Variants in AK9 observed in about 807,000 individuals in gnomAD.
AK9 encodes the protein adenylate kinase domain containing 1.
AK9 carries 191 observed loss-of-function variants against 239.6 expected under a neutral mutation model. The ratio of observed to expected loss-of-function variants is 0.80; its 90% CI spans 0.71 to 0.90. AK9 has a LOEUF of 0.90. Among genes scored for constraint, AK9 ranks in the 40% least tolerant of loss-of-function variants. AK9 has a pLI of 0.00. For synonymous variants in AK9, 689 were observed against 721.0 expected, an observed-to-expected ratio of 0.96 and a Z score of 0.71; for missense variants, 1,995 against 2,214.7, an observed-to-expected ratio of 0.90 and a Z score of 1.99.
intron 12 of AK9, among the ~76,000 whole-genome samples, chr6:109,621,913 C>CCAGAGAAAAAAAAAAAAAAAAAAAAA (rs1794882209): frequency 1.4e-5 from 1 of 70,298 alleles, no homozygotes; most frequent in Non-Finnish European, 2.7e-5. Flanking sequence ...AAAAAAAAAA[C>CCAGAGAAAAAAAAAAAAAAAAAAAAA]AAAAAAAAAA....
chr6:109,588,423 C>T (rs943675084), intron 17 of AK9, among the ~76,000 whole-genome samples: 7 of 152,132 alleles, frequency 4.6e-5, no homozygotes, highest in African/African-American at 1.7e-4. Flanking sequence ...ATGTCCTTGG[C>T]CCACTTTTTA....
Position 109,612,032 on chromosome 6 carries a change from A to G in AK9, c.1671T>C (p.Asp557=), listed in dbSNP as rs1383447580. 10 of 1,535,088 alleles carry G rather than the reference A, an allele frequency of 6.5e-6. No homozygotes were observed. Among genetic ancestry groups the G allele is most frequent in the Admixed American group, 2.1e-5 (1 of 48,216 alleles). Residue 557 remains aspartate (D), a synonymous_variant, in exon 16 of 41, where the codon GAT becomes GAC. Coordinates refer to ENST00000424296, the MANE Select transcript of AK9 (RefSeq NM_001145128.3). ...TACCTGTATCTGAATACAACTTTAC[A>G]TCTTGACTAGCATCTTGAGAATGCC... ...FKRHSQDASQ[D]VKLYSDTAPT... is the part of the protein sequence containing the mutation.
chr6:109,578,082 C>T (rs895121010), intron 20 of AK9, among the ~76,000 whole-genome samples: 25 of 152,056 alleles, frequency 1.6e-4, no homozygotes, highest in African/African-American at 6.0e-4. Context: ...CAGGCGTGCA[C>T]CACCACGCCT....
At chr6:109,525,197 G>A (rs1206601843) in intron 29 of AK9, among the ~76,000 whole-genome samples, 1 of 152,142 alleles carries the variant, frequency 6.6e-6, no homozygotes, top group African/African-American at 2.4e-5. Flanking sequence ...TTATTTCTGA[G>A]TTCCATTGCT....
chr6:109,555,009 C>G (rs1784822421), intron 24 of AK9, among the ~76,000 whole-genome samples: 1 of 152,084 alleles, frequency 6.6e-6, no homozygotes, highest in South Asian at 2.1e-4. Context: ...GTCCCTATCT[C>G]CTTCAATTCT....
chr6:109,501,056 G>A (rs762440016), intron 35 of AK9, among the ~76,000 whole-genome samples: 1 of 152,098 alleles, frequency 6.6e-6, no homozygotes, highest in African/African-American at 2.4e-5. Context: ...CCCTCACAGT[G>A]TCTGGAGAAG....
At chr6:109,670,960 ATATG>A (rs1208827372) in intron 5 of AK9, among the ~76,000 whole-genome samples, 4 of 151,960 alleles carry the variant, frequency 2.6e-5, no homozygotes, top group Admixed American at 2.0e-4. Context: ...TAATCTCTAT[ATATG>A]TATTATATAT....
At chr6:109,671,843 A>C in intron 5 of AK9, 76 bp downstream of exon 5, 1 of 1,341,906 alleles carries the variant, frequency 7.5e-7, no homozygotes, top group East Asian at 2.3e-5. Context: ...GCAACTCCAG[A>C]AACTATTTTT....
rs375441074 is a variant in AK9, at chr6:109,516,491, C to T, written c.3785G>A (p.Arg1262His). 35 of 1,551,624 alleles carry T rather than the reference C, an allele frequency of 2.3e-5. No homozygotes were observed. The highest frequency in any genetic ancestry group is 1.8e-4 in the Admixed American group (9 of 50,974). The change falls in exon 30 of 41, where the codon CGC becomes CAC. Residue 1262 changes from arginine to histidine, a missense_variant. By Grantham distance (29) the Arg-to-His change is conservative. Around this residue, in one of 5 missense-constraint regions of AK9, gnomAD observed 1,290 missense variants for 1,392.7 expected, o/e 0.93. Coordinates refer to ENST00000424296, the MANE Select transcript of AK9 (RefSeq NM_001145128.3). ...DEEQETDAIERLRGELGEKFE... is the reference protein window; with the variant it reads ...DEEQETDAIEHLRGELGEKFE... ...TTTTTCTCCTAGTTCACCTCTCAGG[C>T]GCTCAATTGCATCAGTTTCCTGTTC...
chr6:109,618,134 C>T (rs902865690), intron 13 of AK9, among the ~76,000 whole-genome samples: 1 of 152,122 alleles, frequency 6.6e-6, no homozygotes, highest in African/African-American at 2.4e-5. Context: ...GAGTGCACTG[C>T]CATAGCTTCT....
intron 17 of AK9, among the ~76,000 whole-genome samples, chr6:109,590,938 T>G (rs1336724449): frequency 6.6e-6 from 1 of 152,124 alleles, no homozygotes; most frequent in African/African-American, 2.4e-5. Context: ...CTTGTGGCCT[T>G]GCATATGGTC....
intron 17 of AK9, among the ~76,000 whole-genome samples, chr6:109,593,793 G>A (rs1324228607): frequency 6.6e-6 from 1 of 152,060 alleles, no homozygotes; most frequent in African/African-American, 2.4e-5. Flanking sequence ...ATGCAGAAAA[G>A]GCCTTCAACA....
rs150270108 is a variant in AK9 at position 109,497,510 on chromosome 6, C to T, written c.5270G>A (p.Arg1757His). The T allele has an allele frequency of 7.1e-5, 114 of 1,609,198 alleles. No individual in the cohort carries two copies. The highest frequency in any genetic ancestry group is 7.7e-5 in the South Asian group (7 of 90,884). ...TTCTTTGTTCTCACAAATATATATACGATTATGATATTCTAAAGCATAGTT... is the reference window on the plus strand; with the variant it reads ...TTCTTTGTTCTCACAAATATATATATGATTATGATATTCTAAAGCATAGTT... The part of the protein sequence containing the change: ...SINYALEYHN[R>H]IYICENKEKL... Residue 1757 changes from arginine to histidine, a missense_variant, in exon 38 of 41, where the codon CGT becomes CAT. Around this residue, in one of 5 missense-constraint regions of AK9, gnomAD observed 391 missense variants for 456.0 expected, o/e 0.86. Transcript: ENST00000424296.
At chr6:109,540,309 C>A (rs1213028289) in intron 27 of AK9, among the ~76,000 whole-genome samples, 1 of 152,158 alleles carries the variant, frequency 6.6e-6, no homozygotes, top group Non-Finnish European at 1.5e-5. Flanking sequence ...ATGGTGGGTG[C>A]CCCTCCCCCA....
intron 26 of AK9, among the ~76,000 whole-genome samples, chr6:109,544,681 G>A (rs181765556): frequency 4.5e-4 from 68 of 152,262 alleles, no homozygotes; most frequent in Non-Finnish European, 9.0e-4. Flanking sequence ...GAAGAATTGC[G>A]AGCCAGTTAA....
chr6:109,493,979 A>G lies in AK9; in HGVS notation c.5533+2T>C. 1 of 1,580,394 alleles carries G rather than the reference A, an allele frequency of 6.3e-7. No homozygotes were observed. The highest frequency in any genetic ancestry group is 2.2e-5 in the East Asian group (1 of 44,474). On this transcript the variant is annotated splice_donor_variant, in intron 40 of 40. Transcript: ENST00000424296. LOFTEE classifies it high-confidence loss of function. ...AGTAGTAAATAATTAAAAAAGACAT[A>G]CCTTTGAGATGAAGTGCTATATATA...
chr6:109,579,077 A>G (rs1235734043), intron 20 of AK9, among the ~76,000 whole-genome samples: 2 of 101,322 alleles, frequency 2.0e-5, no homozygotes, highest in East Asian at 1.1e-3. Context: ...GTCCACTGAA[A>G]AACTCCAATC....
chr6:109,679,453 G>C (rs1233143728), intron 1 of AK9, among the ~76,000 whole-genome samples: 2 of 152,162 alleles, frequency 1.3e-5, no homozygotes, highest in African/African-American at 4.8e-5. Flanking sequence ...AGCAGCCCCA[G>C]TCAGGGGCTT....
intron 21 of AK9, among the ~76,000 whole-genome samples, chr6:109,571,898 G>A (rs960013737): frequency 2.0e-5 from 3 of 152,068 alleles, no homozygotes; most frequent in African/African-American, 7.2e-5. Context: ...TTTTCCTATA[G>A]CAGTAGTTCT....
Sources: gnomAD v4.1 joint callset for allele counts (sites outside exome capture counted in the v4.1 genomes callset) on GRCh38, gnomAD v4.1.1 for gene constraint, gnomAD v4.1.1 regional missense constraint, MANE v1.5 for transcripts, NCBI Gene and HGNC (gene_info 2026-07-23, HGNC 2026-07-21) for gene names.